Variants in ENTREP2 observed in about 807,000 individuals in gnomAD.
ENTREP2 encodes the protein protein ENTREP2.
the ENTREP2 span, among the ~76,000 whole-genome samples, chr15:29,538,273 G>A: frequency 2.0e-5 from 3 of 152,104 alleles, no homozygotes; most frequent in African/African-American, 7.2e-5. Context: ...TGTTCAGCTG[G>A]GCAGCTACAG....
At chr15:29,646,498 G>A in the ENTREP2 span, among the ~76,000 whole-genome samples, 2 of 152,112 alleles carry the variant, frequency 1.3e-5, no homozygotes, top group Admixed American at 6.6e-5. Flanking sequence ...ACCAGTGATG[G>A]CACTTCAGTT....
chr15:29,436,289 T>G, the ENTREP2 span, among the ~76,000 whole-genome samples: 2 of 152,366 alleles, frequency 1.3e-5, no homozygotes, highest in South Asian at 2.1e-4. Flanking sequence ...AGGTCTCGTC[T>G]ACCTGCAAAG....
the ENTREP2 span, among the ~76,000 whole-genome samples, chr15:29,127,666 C>G: frequency 4.6e-5 from 7 of 152,194 alleles, no homozygotes; most frequent in African/African-American, 1.7e-4. Flanking sequence ...CTGCTGGTCC[C>G]TGGGTCAGCT....
the ENTREP2 span, among the ~76,000 whole-genome samples, chr15:29,670,055 G>A: frequency 6.6e-6 from 1 of 152,220 alleles, no homozygotes; most frequent in Non-Finnish European, 1.5e-5. Context: ...CAGCTGTCAA[G>A]CAAGTTTATC....
chr15:29,649,727 CAAAAA>C, the ENTREP2 span, among the ~76,000 whole-genome samples: 8 of 66,958 alleles, frequency 1.2e-4, no homozygotes, highest in African/African-American at 3.5e-4. Context: ...TCAACAACAA[CAAAAA>C]AAAAAAAAAA....
the ENTREP2 span, among the ~76,000 whole-genome samples, chr15:29,496,208 A>C: frequency 1.3e-5 from 2 of 151,810 alleles, no homozygotes; most frequent in African/African-American, 4.8e-5. Flanking sequence ...ACTGTACACT[A>C]ATGTGTTATT....
At chr15:29,200,321 G>A in the ENTREP2 span, among the ~76,000 whole-genome samples, 3 of 152,052 alleles carry the variant, frequency 2.0e-5, no homozygotes, top group African/African-American at 4.8e-5. Flanking sequence ...AATTACAGGA[G>A]CACGCCACCA....
chr15:29,164,043 A>G, the ENTREP2 span, among the ~76,000 whole-genome samples: 1 of 152,232 alleles, frequency 6.6e-6, no homozygotes, highest in Non-Finnish European at 1.5e-5. Flanking sequence ...TTATCAGCTA[A>G]GAATTTTGTA....
the ENTREP2 span, among the ~76,000 whole-genome samples, chr15:29,402,265 T>TATATACACAC: frequency 7.3e-6 from 1 of 137,792 alleles, no homozygotes; most frequent in African/African-American, 2.7e-5. Context: ...TATATATATA[T>TATATACACAC]ACACACACAT....
chr15:29,156,867 G>A, the ENTREP2 span, among the ~76,000 whole-genome samples: 254 of 152,258 alleles, frequency 1.7e-3, 3 homozygotes, highest in Non-Finnish European at 2.0e-3. Flanking sequence ...ATGCGAGGCG[G>A]GAGGATCACT....
chr15:29,610,794 C>T, the ENTREP2 span: 1 of 147,142 alleles, frequency 6.8e-6, no homozygotes, highest in African/African-American at 2.5e-5. Context: ...TCTCCCATCC[C>T]CTATGTGACT....
the ENTREP2 span, chr15:29,196,403 T>C: frequency 6.5e-7 from 1 of 1,547,820 alleles, no homozygotes; most frequent in Non-Finnish European, 8.7e-7. Flanking sequence ...ATGAAATGCA[T>C]GCACAAGCAG....
At chr15:29,388,804 G>A in the ENTREP2 span, among the ~76,000 whole-genome samples, 1 of 152,120 alleles carries the variant, frequency 6.6e-6, no homozygotes, top group East Asian at 1.9e-4. Context: ...ATGAGTTCAT[G>A]TCCTTTGTAG....
chr15:29,509,516 A>G, the ENTREP2 span, among the ~76,000 whole-genome samples: 17 of 152,200 alleles, frequency 1.1e-4, no homozygotes, highest in African/African-American at 4.1e-4. Flanking sequence ...CTACAAGACT[A>G]CAGTAACCAA....
chr15:29,377,632 A>G, the ENTREP2 span, among the ~76,000 whole-genome samples: 4 of 151,434 alleles, frequency 2.6e-5, no homozygotes, highest in African/African-American at 4.9e-5. Flanking sequence ...GACCAGCCTG[A>G]CCAACATGGA....
At chr15:29,388,167 T>A in the ENTREP2 span, among the ~76,000 whole-genome samples, 1 of 152,222 alleles carries the variant, frequency 6.6e-6, no homozygotes, top group Non-Finnish European at 1.5e-5. Flanking sequence ...GAAACTACCA[T>A]CAGAGTGAAC....
At chr15:29,353,109 G>A in the ENTREP2 span, among the ~76,000 whole-genome samples, 1 of 152,004 alleles carries the variant, frequency 6.6e-6, no homozygotes, top group African/African-American at 2.4e-5. Flanking sequence ...TGGGATAGCA[G>A]CAGCCTTTTA....
the ENTREP2 span, among the ~76,000 whole-genome samples, chr15:29,639,003 C>T: frequency 6.6e-6 from 1 of 152,206 alleles, no homozygotes; most frequent in Non-Finnish European, 1.5e-5. Context: ...AACCTGAATC[C>T]TGGTCAGCAG....
chr15:29,145,601 C>A, the ENTREP2 span, among the ~76,000 whole-genome samples: 2 of 116,950 alleles, frequency 1.7e-5, no homozygotes, highest in African/African-American at 6.8e-5. Context: ...CCAGCCTGGG[C>A]GACAGAGCGA....
Sources: allele counts gnomAD v4.1 joint callset (sites outside exome capture counted in the v4.1 genomes callset), GRCh38; gene constraint gnomAD v4.1.1; transcripts MANE v1.5; gene names NCBI Gene and HGNC (gene_info 2026-07-23, HGNC 2026-07-21).